The following SDR42E2 variants were observed in gnomAD, a reference collection of about 807,000 sequenced individuals.
The protein encoded by SDR42E2 is putative short-chain dehydrogenase/reductase family 42E member 2.
In SDR42E2, 20 loss-of-function variants were observed where a neutral mutation model predicts 10.5. The observed-to-expected ratio is 1.90, with a 90% CI of 1.34 to 2.77. SDR42E2 has a LOEUF of 2.77. Ranked by LOEUF, SDR42E2 falls within the 30% of genes most tolerant of loss-of-function variation. The probability of loss-of-function intolerance (pLI) is 0.00; values close to 1 mark genes in which losing one functional copy is unlikely to be tolerated. For synonymous variants in SDR42E2, 72 were observed against 39.2 expected (o/e 1.84, Z -3.12); for missense variants, 162 against 104.2 (o/e 1.55, Z -2.42).
intron 8 of SDR42E2, among the ~76,000 whole-genome samples, chr16:22,178,504 T>C (rs539286765): frequency 7.9e-5 from 12 of 152,308 alleles, no homozygotes; most frequent in Non-Finnish European, 1.0e-4. Flanking sequence ...CTCACTCCCA[T>C]GTGGGCTCCC....
At chr16:22,179,268 C>T (rs887858397) in intron 8 of SDR42E2, among the ~76,000 whole-genome samples, 7 of 152,144 alleles carry the variant, frequency 4.6e-5, no homozygotes, top group Admixed American at 1.3e-4. Context: ...GGATGACAGG[C>T]GTGAACTACT....
intron 7 of SDR42E2, among the ~76,000 whole-genome samples, chr16:22,175,168 A>G (rs535553064): frequency 6.6e-6 from 1 of 152,228 alleles, no homozygotes; most frequent in South Asian, 2.1e-4. Context: ...GGCTTAAAAC[A>G]ATAGAAATGG....
intron 11 of SDR42E2, among the ~76,000 whole-genome samples, chr16:22,185,469 G>C (rs1030457417): frequency 1.3e-5 from 2 of 152,154 alleles, no homozygotes; most frequent in African/African-American, 4.8e-5. Flanking sequence ...TTCCCAGTGG[G>C]CTAACAGTAA....
intron 8 of SDR42E2, among the ~76,000 whole-genome samples, chr16:22,179,836 T>G (rs1482943940): frequency 6.9e-6 from 1 of 144,408 alleles, no homozygotes; most frequent in Non-Finnish European, 1.5e-5. Flanking sequence ...AAAAAGAAGA[T>G]TCCAGGCACT....
intron 12 of SDR42E2, among the ~76,000 whole-genome samples, chr16:22,188,094 TAAA>T (rs58432279): frequency 7.2e-6 from 1 of 139,110 alleles, no homozygotes; most frequent in Non-Finnish European, 1.6e-5. Context: ...AGACTCCATC[TAAA>T]AAAAAAAAAA....
chr16:22,185,172 C>T (rs2046727764), intron 11 of SDR42E2, among the ~76,000 whole-genome samples: 1 of 152,162 alleles, frequency 6.6e-6, no homozygotes. Context: ...ACAATGGCCT[C>T]CTCCCAGCTG....
At chr16:22,179,060 C>G (rs1038523397) in intron 8 of SDR42E2, among the ~76,000 whole-genome samples, 1 of 152,138 alleles carries the variant, frequency 6.6e-6, no homozygotes, top group Non-Finnish European at 1.5e-5. Flanking sequence ...ATGGTGTGAT[C>G]ATGGCTCACT....
rs969605062 is a variant in SDR42E2, at chr16:22,180,689, C to G, written c.673-830C>G. Among the ~76,000 whole-genome samples the G allele has an allele frequency of 3.3e-5, 5 of 152,052 alleles. No homozygotes were observed. The East Asian group carries it at 9.6e-4, about 29-fold the overall frequency. On this transcript the variant is annotated intron_variant, in intron 8 of 12. Coordinates refer to ENST00000602312, the MANE Select transcript of SDR42E2 (RefSeq NM_001394319.2). ...CTAGTGTGGGCAACAGAGCCCGACC[C>G]TGTCTCTAAAAAACTATGAAAGAAT...
intron 6 of SDR42E2, among the ~76,000 whole-genome samples, chr16:22,171,294 G>A (rs1193195587): frequency 6.6e-6 from 1 of 152,084 alleles, no homozygotes; most frequent in Non-Finnish European, 1.5e-5. Context: ...AGGCTGGAGT[G>A]CAGTGGCGTG....
At chr16:22,164,678 C>T (rs1298612635) in intron 1 of SDR42E2, among the ~76,000 whole-genome samples, 1 of 152,224 alleles carries the variant, frequency 6.6e-6, no homozygotes, top group Non-Finnish European at 1.5e-5. Context: ...ACTGTCGGAC[C>T]TTGGAGGACC....
intron 7 of SDR42E2, among the ~76,000 whole-genome samples, chr16:22,174,937 C>T (rs1834480454): frequency 6.6e-6 from 1 of 152,142 alleles, no homozygotes; most frequent in Non-Finnish European, 1.5e-5. Flanking sequence ...TTCCAGGAGT[C>T]CCGCTGCAGT....
rs747425446 is a variant in SDR42E2, at chr16:22,166,387, C to T, written c.193C>T (p.Arg65Cys). 5.7e-5 allele frequency: 23 copies of T among 402,552 alleles called. No individual in the cohort carries two copies. The highest frequency in any genetic ancestry group is 1.8e-4 in the Admixed American group (4 of 22,788). The allele number at this position is 402,552 out of a possible 1,614,324, so 24.9% of individuals were successfully genotyped here. A position where few individuals can be genotyped will look rare whatever the true frequency, so the allele number is the denominator to read the frequency against. ...CGGCACTTCCGTCATTCTGCTTGAC[C>T]GCCGCAGACCCCAGTGGGAACTGTC... ...KSGTSVILLD[R>C]RRPQWELSPE... is the part of the protein sequence containing the mutation. The change falls in exon 3 of 13, where the codon CGC (arginine) becomes TGC (cysteine). Residue 65 changes from arginine (R) to cysteine (C), a missense_variant. Arg to Cys is a radical substitution (Grantham distance 180). Coordinates refer to ENST00000602312, the MANE Select transcript of SDR42E2 (RefSeq NM_001394319.2).
At chr16:22,169,259 C>G (rs1598130893) in intron 4 of SDR42E2, among the ~76,000 whole-genome samples, 186 bp from the exon 5 acceptor site, 1 of 152,284 alleles carries the variant, frequency 6.6e-6, no homozygotes, top group East Asian at 1.9e-4. Context: ...TGGGCAGAAC[C>G]TCCTCTGGCC....
At chr16:22,165,461 G>C (rs1216395704) in intron 1 of SDR42E2, 86 bp from the exon 2 acceptor site, 3 of 396,858 alleles carry the variant, frequency 7.6e-6, no homozygotes. Flanking sequence ...TTTCCACCTG[G>C]AGTTCCCCTC....
At chr16:22,166,515 G>A (rs2046541622) in intron 3 of SDR42E2, 81 bp downstream of exon 3, 3 of 402,178 alleles carry the variant, frequency 7.5e-6, no homozygotes, top group Non-Finnish European at 8.8e-6. Flanking sequence ...CTGTGGTGTG[G>A]AGTTTAGGGG....
At chr16:22,187,602 CAAA>C (rs550730942) in intron 12 of SDR42E2, among the ~76,000 whole-genome samples, 1 of 118,624 alleles carries the variant, frequency 8.4e-6, no homozygotes. Flanking sequence ...CCCTAAAAAC[CAAA>C]AAAAAAAAAA....
In SDR42E2 at chr16:22,190,564, C is replaced by A. The variant is rs1031723478; in HGVS notation, c.*171C>A. On this transcript the variant is annotated 3_prime_UTR_variant, in exon 13 of 13. Coordinates refer to ENST00000602312, the MANE Select transcript of SDR42E2 (RefSeq NM_001394319.2). Reference sequence around the variant, plus strand: ...GCCGCTCTCCAGACCTAGCCCGGACCGCCGACTTCTGGCCACGCCCCTATC... The same window carrying A: ...GCCGCTCTCCAGACCTAGCCCGGACAGCCGACTTCTGGCCACGCCCCTATC... 1.0e-5 allele frequency: 4 copies of A among 398,514 alleles called. No homozygotes were observed. Among genetic ancestry groups the A allele is most frequent in the Non-Finnish European group, 1.8e-5 (4 of 226,116 alleles). The allele number at this position is 398,514 out of a possible 1,614,324, so 24.7% of individuals were successfully genotyped here. A position where few individuals can be genotyped will look rare whatever the true frequency, so the allele number is the denominator to read the frequency against.
At chr16:22,186,450 G>C (rs867125008) in intron 11 of SDR42E2, among the ~76,000 whole-genome samples, 1 of 151,838 alleles carries the variant, frequency 6.6e-6, no homozygotes, top group Non-Finnish European at 1.5e-5. Flanking sequence ...CAGGCAATCC[G>C]CCCGCCTCAG....
chr16:22,169,110 G>T (rs188910479), intron 4 of SDR42E2, among the ~76,000 whole-genome samples: 24 of 152,286 alleles, frequency 1.6e-4, no homozygotes, highest in Non-Finnish European at 3.1e-4. Flanking sequence ...GTAGGAAAAT[G>T]ACCCAACAGG....
Sources: gnomAD v4.1 joint callset for allele counts (sites outside exome capture counted in the v4.1 genomes callset) on GRCh38, gnomAD v4.1.1 for gene constraint, MANE v1.5 for transcripts, NCBI Gene and HGNC (gene_info 2026-07-23, HGNC 2026-07-21) for gene names.